SH3RF2: variants seen among roughly 807,000 people sequenced by gnomAD.
The protein encoded by SH3RF2 is E3 ubiquitin-protein ligase SH3RF2.
A neutral mutation model predicts 59.0 loss-of-function variants in SH3RF2; 43 were observed. The ratio of observed to expected loss-of-function variants is 0.73; its 90% CI spans 0.57 to 0.94. The LOEUF is 0.94. Among genes scored for constraint, SH3RF2 ranks in the 40% least tolerant of loss-of-function variants. The pLI, the probability that SH3RF2 is intolerant of heterozygous loss-of-function variation, is 0.00. For missense variants in SH3RF2, 930 were observed against 940.1 expected (o/e 0.99, Z 0.14); for synonymous variants, 391 against 391.5 (o/e 1.00, Z 0.01).
At chr5:146,007,294 G>C (rs940178699) in intron 4 of SH3RF2, among the ~76,000 whole-genome samples, 1 of 152,196 alleles carries the variant, frequency 6.6e-6, no homozygotes, top group Non-Finnish European at 1.5e-5. Flanking sequence ...CTGTGGATTC[G>C]ACCCATAGGT....
chr5:146,058,050 C>A (rs1239324889), intron 8 of SH3RF2, among the ~76,000 whole-genome samples: 1 of 151,600 alleles, frequency 6.6e-6, no homozygotes, highest in East Asian at 1.9e-4. Flanking sequence ...CTTAGGTATG[C>A]AGAGTTGCAT....
chr5:145,994,687 C>G (rs995648084), intron 2 of SH3RF2, among the ~76,000 whole-genome samples: 6 of 152,210 alleles, frequency 3.9e-5, no homozygotes, highest in African/African-American at 1.4e-4. Flanking sequence ...CCACCAGGCC[C>G]TTCCCAAACA....
In SH3RF2 at chr5:146,047,876, C is replaced by T. The variant is rs1285383732; in HGVS notation, c.1151+13C>T. 6.2e-7 allele frequency: 1 copy of T among 1,612,768 alleles called. No homozygotes were observed. Among genetic ancestry groups the T allele is most frequent in the East Asian group, 2.2e-5 (1 of 44,860 alleles). On this transcript the variant is annotated intron_variant, in intron 6 of 9. Transcript: ENST00000359120. ...TCTCAGCGAACATGTGAGTAAAAGGCTCATCCCTTCACCCAAGTCCTGGCA... is the reference window on the plus strand; with the variant it reads ...TCTCAGCGAACATGTGAGTAAAAGGTTCATCCCTTCACCCAAGTCCTGGCA...
chr5:145,937,953 C>T lies in SH3RF2; in HGVS notation c.25C>T (p.Leu9Phe). The T allele has an allele frequency of 6.2e-7, 1 of 1,613,986 alleles. No homozygotes were observed. The highest frequency in any genetic ancestry group is 8.5e-7 in the Non-Finnish European group (1 of 1,179,942). The change falls in exon 2 of 10, where the codon CTT (leucine) becomes TTT (phenylalanine). Residue 9 changes from leucine (L) to phenylalanine (F), a missense_variant. Physicochemically the swap from Leu to Phe is conservative, Grantham distance 22 (BLOSUM62 0). Transcript: ENST00000359120. ...AATGGATGATTTGACGTTACTTGAT[C>T]TTCTGGAGTGCCCTGTGTGCTTTGA... MDDLTLLD[L>F]LECPVCFEKL...
At chr5:145,940,099 G>A (rs561218568) in intron 2 of SH3RF2, among the ~76,000 whole-genome samples, 2 of 152,264 alleles carry the variant, frequency 1.3e-5, no homozygotes, top group Middle Eastern at 3.4e-3. Flanking sequence ...TTAAGATACT[G>A]GGTCTCTCTG....
Position 145,957,235 on chromosome 5 carries a change from A to G in SH3RF2, c.378+18929A>G, listed in dbSNP as rs556133476. On this transcript the variant is annotated intron_variant, in intron 2 of 9. Coordinates refer to ENST00000359120, the MANE Select transcript of SH3RF2 (RefSeq NM_152550.4). ...TATTGCATTGATCTTGAATTACAAA[A>G]TATTGTTAATATATAAAAACAAACA... 3.9e-5 allele frequency among the ~76,000 whole-genome samples: 6 copies of G among 152,334 alleles called. No homozygotes were observed. The South Asian group carries it at 8.3e-4, about 21-fold the overall frequency.
chr5:145,968,863 G>A (rs1201690245), intron 2 of SH3RF2, among the ~76,000 whole-genome samples: 2 of 152,144 alleles, frequency 1.3e-5, no homozygotes, highest in Admixed American at 6.5e-5. Context: ...TATGGACACA[G>A]GTTGTCTTCA....
chr5:146,028,189 CACACACACACACACACACACAG>C (rs1580883425), intron 5 of SH3RF2, among the ~76,000 whole-genome samples: 1 of 78,268 alleles, frequency 1.3e-5, no homozygotes. Context: ...CACACACACA[CACACACACACACACACACACAG>C]AGATAATTCA....
In SH3RF2 at chr5:146,056,021, T is replaced by C. The variant is rs766395628; in HGVS notation, c.1363T>C (p.Tyr455His). Residue 455 changes from tyrosine (Y) to histidine (H), a missense_variant, in exon 8 of 10, where the codon TAC becomes CAC. Tyr to His is a moderately conservative substitution (Grantham distance 83). Coordinates refer to ENST00000359120, the MANE Select transcript of SH3RF2 (RefSeq NM_152550.4). The part of the protein sequence containing the change: ...SFPDSRSPGL[Y>H]TTWTLSTSSV... ...TCCAGACTCCCGGAGCCCTGGTCTCTACACCACATGGACGTTATCCACCTC... is the reference window on the plus strand; with the variant it reads ...TCCAGACTCCCGGAGCCCTGGTCTCCACACCACATGGACGTTATCCACCTC... 1.2e-6 allele frequency: 2 copies of C among 1,614,108 alleles called. No individual in the cohort carries two copies. Among genetic ancestry groups the C allele is most frequent in the East Asian group, 2.2e-5 (1 of 44,888 alleles).
chr5:145,998,818 G>A (rs1294331857), intron 2 of SH3RF2, among the ~76,000 whole-genome samples: 1 of 152,274 alleles, frequency 6.6e-6, no homozygotes, highest in Admixed American at 6.5e-5. Context: ...GGCTGAGGCA[G>A]GAGAATCACT....
chr5:146,045,165 T>A (rs1020329234), intron 5 of SH3RF2, among the ~76,000 whole-genome samples: 2 of 152,186 alleles, frequency 1.3e-5, no homozygotes, highest in South Asian at 4.1e-4. Flanking sequence ...TCCCCAATCA[T>A]AGGCAAGGAG....
intron 2 of SH3RF2, among the ~76,000 whole-genome samples, chr5:145,955,720 G>A (rs1006575678): frequency 1.3e-5 from 2 of 152,164 alleles, no homozygotes; most frequent in African/African-American, 2.4e-5. Context: ...TGACCATGCA[G>A]AGCTATGTTT....
chr5:145,971,957 A>G (rs1420770553), intron 2 of SH3RF2, among the ~76,000 whole-genome samples: 1 of 152,204 alleles, frequency 6.6e-6, no homozygotes, highest in Non-Finnish European at 1.5e-5. Context: ...TGGTACATGG[A>G]CCATTTCATT....
chr5:146,064,714 GAAAGAAAGAAAGA>G (rs1561773390), downstream of SH3RF2, among the ~76,000 whole-genome samples: 3 of 26,224 alleles, frequency 1.1e-4, no homozygotes, highest in African/African-American at 4.2e-4. Flanking sequence ...AAGAAAGAAA[GAAAGAAAGAAAGA>G]AAGGAAGGAA....
Position 145,938,393 on chromosome 5 carries a change from T to C in SH3RF2, c.378+87T>C, listed in dbSNP as rs1747174593. The stretch of plus-strand genomic sequence containing the variant: ...GAGCTAGAGATTATCTTCTTTTAGT[T>C]ACATTCCAGAGTGCTGCTGTTGATT... On this transcript the variant is annotated intron_variant, in intron 2 of 9. Coordinates refer to ENST00000359120, the MANE Select transcript of SH3RF2 (RefSeq NM_152550.4). 7 of 1,430,498 alleles carry C rather than the reference T, an allele frequency of 4.9e-6. No individual in the cohort carries two copies. The South Asian group carries it at 1.1e-4, about 22-fold the overall frequency. The allele number at this position is 1,430,498 out of a possible 1,614,324, so 88.6% of individuals were successfully genotyped here. A position where few individuals can be genotyped will look rare whatever the true frequency, so the allele number is the denominator to read the frequency against.
intron 5 of SH3RF2, among the ~76,000 whole-genome samples, chr5:146,022,305 T>A (rs894271862): frequency 1.1e-4 from 16 of 152,134 alleles, no homozygotes; most frequent in African/African-American, 3.9e-4. Context: ...CCTCCCAGGT[T>A]CAAGCGATTC....
rs372460861 is a variant in SH3RF2, at chr5:146,060,161, G to A, written c.1851G>A (p.Pro617=). 2.7e-5 allele frequency: 44 copies of A among 1,613,714 alleles called. No individual in the cohort carries two copies. In the Admixed American group the frequency reaches 4.0e-4, roughly 15 times the overall value. Residue 617 remains proline, a synonymous_variant, in exon 9 of 10, where the codon CCG becomes CCA. Transcript: ENST00000359120. ...IPIKSEPLPK[P]PASAPPSILV... is the part of the protein sequence containing the mutation. Reference sequence around the variant, plus strand: ...TCAAGAGTGAGCCTCTGCCAAAACCGCCCGCATCTGCCCCACCATCCATCC... The same window carrying A: ...TCAAGAGTGAGCCTCTGCCAAAACCACCCGCATCTGCCCCACCATCCATCC...
chr5:146,035,548 G>T (rs1401858825), intron 5 of SH3RF2, among the ~76,000 whole-genome samples: 1 of 152,024 alleles, frequency 6.6e-6, no homozygotes, highest in Admixed American at 6.5e-5. Context: ...TAGCAAAGTG[G>T]GGACCCATAC....
At chr5:146,038,411 A>G (rs1205155663) in intron 5 of SH3RF2, among the ~76,000 whole-genome samples, 1 of 152,220 alleles carries the variant, frequency 6.6e-6, no homozygotes. Context: ...AGATGATACT[A>G]TTGTCTATAT....
Sources: gnomAD v4.1 joint callset for allele counts (sites outside exome capture counted in the v4.1 genomes callset) on GRCh38, gnomAD v4.1.1 for gene constraint, MANE v1.5 for transcripts, NCBI Gene and HGNC (gene_info 2026-07-23, HGNC 2026-07-21) for gene names.